Variants in CTNNB1 observed in about 807,000 individuals in gnomAD.
The protein encoded by CTNNB1 is catenin beta 1, also known as catenin beta-1.
In CTNNB1, 6 loss-of-function variants were observed where a neutral mutation model predicts 82.5. That is an observed-to-expected ratio of 0.07 (90% CI 0.04 to 0.14). The LOEUF is 0.14. Among genes scored for constraint, CTNNB1 ranks in the 10% least tolerant of loss-of-function variants. The pLI, the probability that CTNNB1 is intolerant of heterozygous loss-of-function variation, is 1.00. For missense variants in CTNNB1, 529 were observed against 980.4 expected (o/e 0.54, Z 6.15); for synonymous variants, 312 against 329.7 (o/e 0.95, Z 0.58).
intron 1 of CTNNB1, among the ~76,000 whole-genome samples, chr3:41,211,608 G>T (rs183835503): frequency 5.9e-5 from 9 of 152,206 alleles, no homozygotes; most frequent in African/African-American, 2.2e-4. Context: ...GCTCATTCTT[G>T]TGAGAACATG....
chr3:41,201,400 C>T (rs1275185674), intron 1 of CTNNB1, among the ~76,000 whole-genome samples: 1 of 152,070 alleles, frequency 6.6e-6, no homozygotes, highest in Non-Finnish European at 1.5e-5. Flanking sequence ...TCACACCAGA[C>T]AAAATTTGGT....
rs1220395399 is a variant in CTNNB1, at chr3:41,235,794, A to C, written c.1754A>C (p.His585Pro). The C allele has an allele frequency of 6.2e-7, 1 of 1,614,150 alleles. No homozygotes were observed. The highest frequency in any genetic ancestry group is 1.1e-5 in the South Asian group (1 of 91,078). Residue 585 changes from histidine to proline, a missense_variant, in exon 11 of 15, where the codon CAC becomes CCC. Physicochemically the swap from His to Pro is moderately conservative, Grantham distance 77. This residue lies in a region of CTNNB1 where 411 missense variants were observed against 776.4 expected (regional missense o/e 0.53). Transcript: ENST00000349496. ...GALHILARDV[H>P]NRIVIRGLNT... ...CTTCACATCCTAGCTCGGGATGTTC[A>C]CAACCGAATTGTTATCAGAGGACTA...
intron 6 of CTNNB1, among the ~76,000 whole-genome samples, chr3:41,226,176 C>T (rs925129283): frequency 6.6e-5 from 10 of 152,194 alleles, no homozygotes; most frequent in African/African-American, 2.2e-4. Flanking sequence ...GTAATGCTCG[C>T]TCACCTGCCA....
intron 1 of CTNNB1, among the ~76,000 whole-genome samples, chr3:41,202,052 G>A (rs543477707): frequency 6.6e-6 from 1 of 152,300 alleles, no homozygotes; most frequent in Admixed American, 6.5e-5. Context: ...CGCATGCTAA[G>A]TATTGTTGAA....
intron 1 of CTNNB1, chr3:41,211,138 T>C (rs1281239474): frequency 6.6e-6 from 3 of 453,194 alleles, no homozygotes; most frequent in Non-Finnish European, 1.3e-5. Flanking sequence ...TACTGTGGTT[T>C]CGTTTACACC....
chr3:41,234,326 C>T (rs757741142), intron 10 of CTNNB1, 29 bp downstream of exon 10: 1 of 1,612,466 alleles, frequency 6.2e-7, no homozygotes, highest in Admixed American at 1.7e-5. Context: ...TGATACCTGG[C>T]TATCTAAAAG....
chr3:41,237,824 G>T, intron 13 of CTNNB1, 192 bp from the exon 14 acceptor site: 2 of 584,912 alleles, frequency 3.4e-6, no homozygotes, highest in South Asian at 4.0e-5. Context: ...TTAATGTGAG[G>T]TGCAAAGAGA....
At chr3:41,208,815 C>A (rs2077710200) in intron 1 of CTNNB1, among the ~76,000 whole-genome samples, 1 of 152,166 alleles carries the variant, frequency 6.6e-6, no homozygotes, top group Non-Finnish European at 1.5e-5. Flanking sequence ...ACTGTGGTAT[C>A]TCTCTTTTCT....
intron 1 of CTNNB1, 127 bp downstream of exon 1, chr3:41,199,797 G>C (rs1043188347): frequency 2.0e-5 from 3 of 151,844 alleles, no homozygotes; most frequent in African/African-American, 4.8e-5. Flanking sequence ...GGTTGGGAGC[G>C]GGGAGCTCAG....
Position 41,239,779 on chromosome 3 carries a change from A to C in CTNNB1, c.*437A>C. 3.3e-6 allele frequency: 1 copy of C among 303,258 alleles called. No individual in the cohort carries two copies. The highest frequency in any genetic ancestry group is 5.1e-5 in the East Asian group (1 of 19,678). 18.8% of individuals were successfully genotyped at this position (303,258 alleles called of 1,614,324 possible). A position where few individuals can be genotyped will look rare whatever the true frequency, so the allele number is the denominator to read the frequency against. On this transcript the variant is annotated 3_prime_UTR_variant, in exon 15 of 15. Transcript: ENST00000349496. ...ACCAAGCTGAGTTTCCTATGGGAAC[A>C]ATTGAAGTAAACTTTTTGTTCTGGT...
At chr3:41,237,925 A>T (rs756969110) in intron 13 of CTNNB1, 91 bp from the exon 14 acceptor site, 9 of 1,057,748 alleles carry the variant, frequency 8.5e-6, no homozygotes, top group Non-Finnish European at 1.2e-5. Flanking sequence ...TCCTTTTGTA[A>T]TCTGAAAGTA....
rs1317087538 is a variant in CTNNB1, at chr3:41,234,421, G to C, written c.1683+124G>C. On this transcript the variant is annotated intron_variant, in intron 10 of 14. Transcript: ENST00000349496. ...GTCTTCCTGAAGAGCTAATGACAAA[G>C]TAAATAAATAAATAATTACACATTT... 3 of 917,018 alleles carry C rather than the reference G, an allele frequency of 3.3e-6. No individual in the cohort carries two copies. In the Admixed American group the frequency reaches 6.1e-5, roughly 19 times the overall value. The allele number at this position is 917,018 out of a possible 1,614,324, so 56.8% of individuals were successfully genotyped here. A position where few individuals can be genotyped will look rare whatever the true frequency, so the allele number is the denominator to read the frequency against.
chr3:41,225,159 C>T lies in CTNNB1; in HGVS notation c.447C>T (p.Ala149=), dbSNP rs1207385686. 1.9e-6 allele frequency: 3 copies of T among 1,613,920 alleles called. No homozygotes were observed. Among genetic ancestry groups the T allele is most frequent in the Non-Finnish European group, 2.5e-6 (3 of 1,179,996 alleles). The change falls in exon 4 of 15, where the codon GCC becomes GCT. Residue 149 remains alanine (A), a synonymous_variant. Coordinates refer to ENST00000349496, the MANE Select transcript of CTNNB1 (RefSeq NM_001904.4). This position sits in a 1 kb window ranked among gnomAD's most constrained non-coding sequence, Gnocchi z 5.3. ...LINYQDDAEL[A]TRAIPELTKL... ...ACTATCAAGATGATGCAGAACTTGC[C>T]ACACGTGCAATCCCTGAACTGACAA...
chr3:41,217,304 G>T (rs2077938084), intron 1 of CTNNB1, among the ~76,000 whole-genome samples: 1 of 151,986 alleles, frequency 6.6e-6, no homozygotes, highest in Non-Finnish European at 1.5e-5. Context: ...TCATAAACTT[G>T]TTTATTAGTA....
intron 1 of CTNNB1, among the ~76,000 whole-genome samples, chr3:41,208,044 AT>A (rs2077690329): frequency 6.6e-6 from 1 of 152,182 alleles, no homozygotes; most frequent in African/African-American, 2.4e-5. Context: ...TTCCTGGGTC[AT>A]TCACATCCTT....
Position 41,223,313 on chromosome 3 carries a change from AGAT to A in CTNNB1, c.-48-704_-48-702del, listed in dbSNP as rs368449374. ...AATAAAGGCAAAATACGGACAAATT[AGAT>A]GATAAGATTTATATAAATTTTTAAA... On this transcript the variant is annotated intron_variant, in intron 1 of 14. Transcript: ENST00000349496. Among the ~76,000 whole-genome samples, 358 of 152,272 alleles carry A rather than the reference AGAT, an allele frequency of 2.4e-3. 4 individuals are homozygous for A. The highest frequency in any genetic ancestry group is 7.6e-3 in the African/African-American group (317 of 41,564).
intron 1 of CTNNB1, among the ~76,000 whole-genome samples, chr3:41,212,924 C>CTGGA (rs2077828279): frequency 1.3e-5 from 2 of 152,186 alleles, no homozygotes; most frequent in Non-Finnish European, 2.9e-5. Context: ...GTGCCACCAC[C>CTGGA]ATCTATCAGC....
At chr3:41,210,322 C>T (rs1383094313) in intron 1 of CTNNB1, among the ~76,000 whole-genome samples, 2 of 152,022 alleles carry the variant, frequency 1.3e-5, no homozygotes, top group Middle Eastern at 3.2e-3. Flanking sequence ...GGCGTGGTGG[C>T]GGGCACCTGT....
intron 1 of CTNNB1, chr3:41,221,190 G>A (rs2125611004): frequency 6.6e-6 from 1 of 152,300 alleles, no homozygotes; most frequent in Non-Finnish European, 1.5e-5. Flanking sequence ...GATAATCTGT[G>A]TCTTGAAACA....
Sources: allele counts gnomAD v4.1 joint callset (sites outside exome capture counted in the v4.1 genomes callset), GRCh38; gene constraint gnomAD v4.1.1; regional missense constraint gnomAD v4.1.1; non-coding constraint Gnocchi (gnomAD v3.1); transcripts MANE v1.5; gene names NCBI Gene and HGNC (gene_info 2026-07-23, HGNC 2026-07-21).